Variants in TSPAN9 observed in about 807,000 individuals in gnomAD.
TSPAN9 encodes tetraspanin 9, also known as tetraspanin-9.
A neutral mutation model predicts 31.0 loss-of-function variants in TSPAN9; 16 were observed. The observed-to-expected ratio is 0.52, with a 90% CI of 0.35 to 0.78. TSPAN9 has a LOEUF of 0.78. Among genes scored for constraint, TSPAN9 ranks in the 30% least tolerant of loss-of-function variants. The pLI is 0.01. For missense variants in TSPAN9, 272 were observed against 312.5 expected (o/e 0.87, Z 0.98); for synonymous variants, 145 against 121.6 (o/e 1.19, Z -1.27).
At chr12:3,084,177 G>T (rs893926254) in intron 2 of TSPAN9, 1 of 152,542 alleles carries the variant, frequency 6.6e-6, no homozygotes, top group South Asian at 2.1e-4. Context: ...GACCCCTACG[G>T]GGCCCTCTTC....
At chr12:3,238,903 C>T (rs1390571113) in intron 3 of TSPAN9, among the ~76,000 whole-genome samples, 1 of 152,112 alleles carries the variant, frequency 6.6e-6, no homozygotes, top group East Asian at 1.9e-4. Context: ...CAAGCTGTTT[C>T]CTTGCTTCAT....
intron 3 of TSPAN9, among the ~76,000 whole-genome samples, chr12:3,248,937 C>T (rs1237986572): frequency 1.3e-5 from 2 of 152,226 alleles, no homozygotes; most frequent in Non-Finnish European, 2.9e-5. Context: ...TGCCCCCCTC[C>T]GTACCCATGC....
At chr12:3,200,648 G>A (rs1015309810) in intron 2 of TSPAN9, 2 of 152,344 alleles carry the variant, frequency 1.3e-5, no homozygotes, top group African/African-American at 4.8e-5. Flanking sequence ...GAGTTACGCG[G>A]GCGAGCCGGT....
intron 3 of TSPAN9, among the ~76,000 whole-genome samples, chr12:3,237,185 G>A (rs919159360): frequency 6.6e-6 from 1 of 152,146 alleles, no homozygotes; most frequent in African/African-American, 2.4e-5. Flanking sequence ...GGGCCACGGG[G>A]TCATTGTATT....
At chr12:3,185,082 G>A (rs2098360473) in intron 2 of TSPAN9, among the ~76,000 whole-genome samples, 1 of 152,180 alleles carries the variant, frequency 6.6e-6, no homozygotes, top group African/African-American at 2.4e-5. Context: ...TGAAGACTGT[G>A]TTCTCCCTAG....
chr12:3,262,857 G>A (rs149862668), intron 3 of TSPAN9, among the ~76,000 whole-genome samples: 268 of 152,250 alleles, frequency 1.8e-3, no homozygotes, highest in African/African-American at 6.1e-3. Flanking sequence ...GTATTTAAAT[G>A]GCCATTTCCC....
At chr12:3,091,159 C>A (rs1424249549) in intron 2 of TSPAN9, among the ~76,000 whole-genome samples, 1 of 152,216 alleles carries the variant, frequency 6.6e-6, no homozygotes, top group Non-Finnish European at 1.5e-5. Context: ...AAAGCTAGTC[C>A]GGCCTTCCAG....
In TSPAN9 at chr12:3,245,311, C is replaced by T. The variant is rs541865061; in HGVS notation, c.64-33110C>T. Among the ~76,000 whole-genome samples, 5 of 152,298 alleles carry T rather than the reference C, an allele frequency of 3.3e-5. No individual in the cohort carries two copies. The East Asian group carries it at 9.7e-4, about 29-fold the overall frequency. On this transcript the variant is annotated intron_variant, in intron 3 of 8. Transcript: ENST00000011898. ...TCGGGCCTTGGCCAGGGGTGGTGCC[C>T]AGGGGATGCAGGAAGGATGACCCTG... is the stretch of plus-strand genomic sequence containing the variant.
rs1233667890 is a variant in TSPAN9 at position 3,192,143 on chromosome 12, T to G, written c.-17-9034T>G. ...CGGGGGCTGGAGAGAAAGGCAGGGA[T>G]CAGTCATGCCGGCCGTTTAGGGTTG... On this transcript the variant is annotated intron_variant, in intron 2 of 8. Coordinates refer to ENST00000011898, the MANE Select transcript of TSPAN9 (RefSeq NM_006675.5). This position sits in a 1 kb window ranked among gnomAD's most constrained non-coding sequence, Gnocchi z 4.6. Among the ~76,000 whole-genome samples, 1 of 151,848 alleles carries G rather than the reference T, an allele frequency of 6.6e-6. No individual in the cohort carries two copies. Among genetic ancestry groups the G allele is most frequent in the Non-Finnish European group, 1.5e-5 (1 of 67,980 alleles).
intron 2 of TSPAN9, among the ~76,000 whole-genome samples, chr12:3,190,661 G>A (rs1001559251): frequency 6.6e-6 from 1 of 152,196 alleles, no homozygotes; most frequent in African/African-American, 2.4e-5. Flanking sequence ...TTCTTCTAGG[G>A]CCCAATCTCT....
intron 2 of TSPAN9, among the ~76,000 whole-genome samples, chr12:3,127,902 A>C (rs556280306): frequency 3.3e-5 from 5 of 152,176 alleles, no homozygotes; most frequent in African/African-American, 1.2e-4. Context: ...CTGGGACTAC[A>C]GGCTTGGTGG....
chr12:3,219,923 G>A (rs190551816), intron 3 of TSPAN9, among the ~76,000 whole-genome samples: 354 of 151,710 alleles, frequency 2.3e-3, no homozygotes, highest in Non-Finnish European at 3.8e-3. Flanking sequence ...GGAAGGCTGC[G>A]GCGGGCGGAT....
chr12:3,138,566 T>C (rs1427345636), intron 2 of TSPAN9, among the ~76,000 whole-genome samples: 1 of 151,468 alleles, frequency 6.6e-6, no homozygotes, highest in Non-Finnish European at 1.5e-5. Flanking sequence ...CAAGTGATCC[T>C]CCCTCCTCAG....
intron 2 of TSPAN9, among the ~76,000 whole-genome samples, chr12:3,142,949 C>G (rs1241011782): frequency 6.6e-6 from 1 of 152,178 alleles, no homozygotes; most frequent in Non-Finnish European, 1.5e-5. Flanking sequence ...GCGACAGTTC[C>G]TTAGTTTCTC....
chr12:3,225,084 G>A (rs1328740146), intron 3 of TSPAN9, among the ~76,000 whole-genome samples: 1 of 152,242 alleles, frequency 6.6e-6, no homozygotes, highest in Non-Finnish European at 1.5e-5. Context: ...CTCTTTGACA[G>A]TGGAACAGAG....
chr12:3,272,548 G>T (rs759589946), intron 3 of TSPAN9, among the ~76,000 whole-genome samples: 34 of 151,402 alleles, frequency 2.2e-4, no homozygotes, highest in Non-Finnish European at 4.1e-4. Flanking sequence ...GAGCCACTGC[G>T]CCCGGCCGTG....
At chr12:3,274,279 G>A (rs1050811065) in intron 3 of TSPAN9, among the ~76,000 whole-genome samples, 1 of 152,234 alleles carries the variant, frequency 6.6e-6, no homozygotes, top group African/African-American at 2.4e-5. Context: ...AGAGCACCAT[G>A]TCTCAGACTC....
intron 3 of TSPAN9, chr12:3,215,173 C>T (rs139486044): frequency 1.2e-3 from 176 of 152,412 alleles, no homozygotes; most frequent in African/African-American, 4.0e-3. Flanking sequence ...ACCCGCTTCT[C>T]TGGTGGTTGT....
At chr12:3,211,820 A>G (rs1591680267) in intron 3 of TSPAN9, 3 of 1,593,044 alleles carry the variant, frequency 1.9e-6, no homozygotes, top group East Asian at 2.2e-5. Flanking sequence ...TTTCACATCC[A>G]TGAAGTAGGA....
Sources: gnomAD v4.1 joint callset for allele counts (sites outside exome capture counted in the v4.1 genomes callset) on GRCh38, gnomAD v4.1.1 for gene constraint, Gnocchi (gnomAD v3.1) non-coding constraint, MANE v1.5 for transcripts, NCBI Gene and HGNC (gene_info 2026-07-23, HGNC 2026-07-21) for gene names.